The following LSAMP variants were observed in gnomAD, a reference collection of about 807,000 sequenced individuals.
LSAMP encodes limbic system-associated membrane protein.
LSAMP carries 7 observed loss-of-function variants against 38.6 expected under a neutral mutation model. That is an observed-to-expected ratio of 0.18 (90% confidence interval 0.10 to 0.34). LSAMP has a LOEUF of 0.34. Among genes scored for constraint, LSAMP ranks in the 10% least tolerant of loss-of-function variants. LSAMP has a pLI of 1.00. For missense variants in LSAMP, 313 were observed against 420.0 expected (o/e 0.75, Z 2.23); for synonymous variants, 154 against 166.8 (o/e 0.92, Z 0.59).
chr3:116,445,311 T>A lies in LSAMP; in HGVS notation c.-280A>T. 1 of 567,080 alleles carries A rather than the reference T, an allele frequency of 1.8e-6. No individual in the cohort carries two copies. Among genetic ancestry groups the A allele is most frequent in the Non-Finnish European group, 3.1e-6 (1 of 322,592 alleles). 35.1% of individuals were successfully genotyped at this position (567,080 alleles called of 1,614,324 possible). The stretch of plus-strand genomic sequence containing the variant: ...CAAATAGCAAGCCCTCTGGAAGAGC[T>A]GAAGAGGAAGCCAAAGGAAAGGGTT... On this transcript the variant is annotated 5_prime_UTR_variant, in exon 1 of 7. Coordinates refer to ENST00000490035, the MANE Select transcript of LSAMP (RefSeq NM_002338.5).
intron 1 of LSAMP, among the ~76,000 whole-genome samples, chr3:116,429,758 T>C (rs1231988350): frequency 1.3e-5 from 2 of 152,126 alleles, no homozygotes; most frequent in Non-Finnish European, 2.9e-5. Flanking sequence ...AACACAGGCC[T>C]TGGAGTAGGA....
intron 1 of LSAMP, among the ~76,000 whole-genome samples, chr3:116,194,849 G>T (rs1710846897): frequency 6.6e-6 from 1 of 152,170 alleles, no homozygotes; most frequent in Non-Finnish European, 1.5e-5. Flanking sequence ...CATTAAAGTA[G>T]ATTTGAAAAA....
At chr3:115,932,790 T>C (rs1367116660) in intron 3 of LSAMP, among the ~76,000 whole-genome samples, 2 of 152,192 alleles carry the variant, frequency 1.3e-5, no homozygotes, top group African/African-American at 2.4e-5. Flanking sequence ...GAAATATTAT[T>C]CAATTATTAT....
Position 116,346,799 on chromosome 3 carries a change from G to A in LSAMP, c.155+98078C>T, listed in dbSNP as rs375924946. Reference sequence around the variant, plus strand: ...CAAACATTCATTAAGTACTTCCTATGTGTCAGTTTTGTTTCTACACATATC... The same window carrying A: ...CAAACATTCATTAAGTACTTCCTATATGTCAGTTTTGTTTCTACACATATC... On this transcript the variant is annotated intron_variant, in intron 1 of 6. Transcript: ENST00000490035. Among the ~76,000 whole-genome samples, 7 of 152,208 alleles carry A rather than the reference G, an allele frequency of 4.6e-5. No homozygotes were observed. The East Asian group carries it at 9.7e-4, about 21-fold the overall frequency.
chr3:115,837,501 C>G (rs1381381062), intron 6 of LSAMP, among the ~76,000 whole-genome samples: 1 of 152,084 alleles, frequency 6.6e-6, no homozygotes, highest in East Asian at 1.9e-4. Flanking sequence ...CTGAGAACAT[C>G]AACATGCCAA....
intron 1 of LSAMP, among the ~76,000 whole-genome samples, chr3:116,196,709 A>G (rs1710890391): frequency 1.3e-5 from 2 of 152,226 alleles, no homozygotes; most frequent in Admixed American, 6.5e-5. Flanking sequence ...TAGTCAAAAT[A>G]TAAAGCTAGT....
chr3:116,440,963 T>C (rs16824905), intron 1 of LSAMP, among the ~76,000 whole-genome samples: 8,788 of 152,254 alleles, frequency 0.058, 274 homozygotes, highest in Non-Finnish European at 0.07. Flanking sequence ...TTCCACATGA[T>C]TTACAGAAGA....
intron 1 of LSAMP, among the ~76,000 whole-genome samples, chr3:116,351,531 A>G (rs1348295287): frequency 6.6e-6 from 1 of 150,792 alleles, no homozygotes; most frequent in Non-Finnish European, 1.5e-5. Context: ...GAGCTCTCAC[A>G]TTACGTGTAA....
At chr3:116,377,786 A>G (rs2048512942) in intron 1 of LSAMP, among the ~76,000 whole-genome samples, 1 of 152,038 alleles carries the variant, frequency 6.6e-6, no homozygotes, top group African/African-American at 2.4e-5. Context: ...TGTGTCAATA[A>G]TACACAAACA....
At chr3:116,334,120 G>A (rs2047888669) in intron 1 of LSAMP, among the ~76,000 whole-genome samples, 1 of 151,932 alleles carries the variant, frequency 6.6e-6, no homozygotes, top group African/African-American at 2.4e-5. Context: ...TTAACAATCA[G>A]ATGCCAACAA....
At chr3:116,206,815 T>TAC (rs2046075899) in intron 1 of LSAMP, among the ~76,000 whole-genome samples, 1 of 151,482 alleles carries the variant, frequency 6.6e-6, no homozygotes, top group African/African-American at 2.4e-5. Context: ...AGGAGAGCTT[T>TAC]ACTTCCAAGT....
At chr3:115,851,251 G>A (rs1399937352) in intron 4 of LSAMP, among the ~76,000 whole-genome samples, 3 of 152,174 alleles carry the variant, frequency 2.0e-5, no homozygotes, top group Non-Finnish European at 4.4e-5. Context: ...TGGGATTACA[G>A]GGGTGAGCCA....
At chr3:116,137,027 C>G (rs78227441) in intron 1 of LSAMP, among the ~76,000 whole-genome samples, 8,847 of 152,104 alleles carry the variant, frequency 0.058, 304 homozygotes, top group Middle Eastern at 0.16. Flanking sequence ...AGGGAAGAAT[C>G]CTTCTTTGTC....
At chr3:115,922,218 C>T (rs867273394) in intron 3 of LSAMP, among the ~76,000 whole-genome samples, 3 of 152,108 alleles carry the variant, frequency 2.0e-5, no homozygotes, top group Middle Eastern at 3.4e-3. Context: ...GCCTATATTG[C>T]TTGATGAAGT....
chr3:116,209,846 G>T (rs2046130619), intron 1 of LSAMP, among the ~76,000 whole-genome samples: 1 of 152,092 alleles, frequency 6.6e-6, no homozygotes, highest in African/African-American at 2.4e-5. Flanking sequence ...CCGCCACCCG[G>T]GTTGACGCCG....
chr3:116,297,476 T>C (rs2047352064), intron 1 of LSAMP, among the ~76,000 whole-genome samples: 1 of 152,110 alleles, frequency 6.6e-6, no homozygotes, highest in African/African-American at 2.4e-5. Context: ...ACCTTTATGT[T>C]ATCCCTTTGG....
chr3:116,321,185 G>A (rs1010323564), intron 1 of LSAMP, among the ~76,000 whole-genome samples: 3 of 152,020 alleles, frequency 2.0e-5, no homozygotes, highest in Non-Finnish European at 2.9e-5. Context: ...CCTGGGCAAC[G>A]TGGTAAAACC....
intron 3 of LSAMP, among the ~76,000 whole-genome samples, chr3:115,880,901 G>A (rs1936304081): frequency 6.6e-6 from 1 of 151,962 alleles, no homozygotes; most frequent in African/African-American, 2.4e-5. Context: ...AGCCAGGTGT[G>A]GTAGCGGGCA....
chr3:116,400,088 C>T (rs184654340), intron 1 of LSAMP, among the ~76,000 whole-genome samples: 70 of 152,280 alleles, frequency 4.6e-4, no homozygotes, highest in East Asian at 4.5e-3. Context: ...TACAGTAATA[C>T]TTTCTACAAA....
Sources: gnomAD v4.1 joint callset for allele counts (sites outside exome capture counted in the v4.1 genomes callset) on GRCh38, gnomAD v4.1.1 for gene constraint, MANE v1.5 for transcripts, NCBI Gene and HGNC (gene_info 2026-07-23, HGNC 2026-07-21) for gene names.